Variants in RIMS1 observed in about 807,000 individuals in gnomAD.
The protein encoded by RIMS1 is regulating synaptic membrane exocytosis 1.
A neutral mutation model predicts 214.1 loss-of-function variants in RIMS1; 83 were observed. The ratio of observed to expected loss-of-function variants is 0.39; its 90% confidence interval spans 0.32 to 0.47. RIMS1 has a LOEUF of 0.47. Among genes scored for constraint, RIMS1 ranks in the 20% least tolerant of loss-of-function variants. The probability of loss-of-function intolerance (pLI) is 0.99; values close to 1 mark genes in which losing one functional copy is unlikely to be tolerated. For synonymous variants in RIMS1, 793 were observed against 786.8 expected (o/e 1.01, Z -0.13); for missense variants, 2,050 against 2,161.8 (o/e 0.95, Z 1.03).
intron 2 of RIMS1, among the ~76,000 whole-genome samples, chr6:72,023,482 A>G (rs1357613489): frequency 2.6e-5 from 4 of 152,088 alleles, no homozygotes. Flanking sequence ...CTAGATTTAC[A>G]TATATTTCCT....
chr6:72,304,086 T>C (rs2094909449), intron 26 of RIMS1, among the ~76,000 whole-genome samples: 1 of 151,684 alleles, frequency 6.6e-6, no homozygotes, highest in Non-Finnish European at 1.5e-5. Context: ...CTCTTGATTA[T>C]GTGGCATTTA....
At chr6:71,932,229 T>C (rs1379472483) in intron 1 of RIMS1, among the ~76,000 whole-genome samples, 2 of 152,104 alleles carry the variant, frequency 1.3e-5, no homozygotes, top group African/African-American at 2.4e-5. Context: ...TCAACTTAAA[T>C]GCCCATCAGT....
intron 4 of RIMS1, among the ~76,000 whole-genome samples, chr6:72,135,637 A>C (rs1294339419): frequency 6.6e-6 from 1 of 152,168 alleles, no homozygotes; most frequent in Non-Finnish European, 1.5e-5. Flanking sequence ...CTGACGTGGA[A>C]AGGAGAAGAA....
At chr6:72,275,569 C>T (rs949662395) in intron 23 of RIMS1, among the ~76,000 whole-genome samples, 1 of 151,982 alleles carries the variant, frequency 6.6e-6, no homozygotes, top group Non-Finnish European at 1.5e-5. Context: ...AACATTTTAG[C>T]ATCTTTTAAT....
At chr6:72,013,766 T>C (rs1179065903) in intron 2 of RIMS1, among the ~76,000 whole-genome samples, 1 of 152,218 alleles carries the variant, frequency 6.6e-6, no homozygotes, top group Non-Finnish European at 1.5e-5. Context: ...TGTATGAAAG[T>C]GTGCAGTTCA....
chr6:71,916,541 T>G (rs1190688871), intron 1 of RIMS1, among the ~76,000 whole-genome samples: 1 of 152,168 alleles, frequency 6.6e-6, no homozygotes, highest in Admixed American at 6.6e-5. Flanking sequence ...CACTCTATCT[T>G]TGAGTAATTC....
At chr6:72,063,681 C>T (rs377720114) in intron 2 of RIMS1, among the ~76,000 whole-genome samples, 42 of 152,308 alleles carry the variant, frequency 2.8e-4, no homozygotes, top group African/African-American at 9.6e-4. Flanking sequence ...TTCACATTTA[C>T]TTCTAGGTGG....
intron 6 of RIMS1, among the ~76,000 whole-genome samples, chr6:72,224,369 A>G (rs1188869435): frequency 2.0e-5 from 3 of 152,198 alleles, no homozygotes; most frequent in Non-Finnish European, 2.9e-5. Flanking sequence ...TAAACTCTCT[A>G]AAGTGTACTT....
intron 23 of RIMS1, among the ~76,000 whole-genome samples, chr6:72,275,657 T>C (rs1020019763): frequency 7.9e-5 from 12 of 152,184 alleles, no homozygotes; most frequent in Non-Finnish European, 1.5e-4. Flanking sequence ...TACTGTCTGA[T>C]TTCTAGGATA....
intron 4 of RIMS1, among the ~76,000 whole-genome samples, chr6:72,105,223 C>T (rs144983162): frequency 6.6e-6 from 1 of 152,230 alleles, no homozygotes; most frequent in Admixed American, 6.5e-5. Flanking sequence ...TGTGAGCCAC[C>T]ACAGCAGTCT....
intron 28 of RIMS1, among the ~76,000 whole-genome samples, chr6:72,325,452 A>AAT (rs999557627): frequency 7.8e-4 from 118 of 150,568 alleles, no homozygotes; most frequent in South Asian, 3.3e-3. Context: ...AGTCTATATA[A>AAT]ATATATATAT....
intron 6 of RIMS1, among the ~76,000 whole-genome samples, chr6:72,189,502 C>T (rs1485400969): frequency 6.6e-6 from 1 of 152,182 alleles, no homozygotes; most frequent in African/African-American, 2.4e-5. Context: ...GATAGGCAAA[C>T]CCATATCTGG....
chr6:72,231,673 C>A (rs2062020332), intron 6 of RIMS1, among the ~76,000 whole-genome samples: 1 of 151,612 alleles, frequency 6.6e-6, no homozygotes, highest in South Asian at 2.1e-4. Flanking sequence ...CATTATTCTG[C>A]AAAGCTTATA....
intron 1 of RIMS1, among the ~76,000 whole-genome samples, chr6:71,931,222 A>C (rs1222114558): frequency 6.6e-6 from 1 of 152,080 alleles, no homozygotes; most frequent in East Asian, 1.9e-4. Context: ...TTAATGTCAT[A>C]TATTTAAATA....
chr6:71,934,321 G>A (rs140032612), intron 1 of RIMS1, among the ~76,000 whole-genome samples: 167 of 152,128 alleles, frequency 1.1e-3, no homozygotes, highest in African/African-American at 3.4e-3. Context: ...AAATAAATAC[G>A]GAACATATTA....
Position 72,249,026 on chromosome 6 carries a change from C to G in RIMS1, c.2241+899C>G, listed in dbSNP as rs115118325. Among the ~76,000 whole-genome samples the G allele has an allele frequency of 2.2e-3, 334 of 152,232 alleles. 1 individual carries two copies. The highest frequency in any genetic ancestry group is 7.7e-3 in the African/African-American group (320 of 41,534). Reference sequence around the variant, plus strand: ...CCATTCTGGTTCTGTGAAACCCCATCTTAGGTATCAATTGGGAATCAGAGA... The same window carrying G: ...CCATTCTGGTTCTGTGAAACCCCATGTTAGGTATCAATTGGGAATCAGAGA... On this transcript the variant is annotated intron_variant, in intron 12 of 33. Transcript: ENST00000521978.
intron 2 of RIMS1, among the ~76,000 whole-genome samples, chr6:71,976,059 T>C (rs1486668141): frequency 6.6e-6 from 1 of 152,122 alleles, no homozygotes; most frequent in Admixed American, 6.5e-5. Context: ...TTCTCAATTC[T>C]CTTGAGTATA....
At position 72,309,658 on chromosome 6, in the gene RIMS1, T is replaced by A. The variant is rs547352684; in HGVS notation, c.3963+2288T>A. Among the ~76,000 whole-genome samples the A allele has an allele frequency of 3.3e-5, 5 of 152,210 alleles. No homozygotes were observed. In the South Asian group the frequency reaches 8.3e-4, roughly 25 times the overall value. On this transcript the variant is annotated intron_variant, in intron 27 of 33. Transcript: ENST00000521978. ...CTTTGCATTTGACTATTTTAAAACC[T>A]ATTACTTTCAGATATAGTACTATGG...
chr6:72,142,148 TAAATATCA>T, intron 4 of RIMS1, among the ~76,000 whole-genome samples: 1 of 152,056 alleles, frequency 6.6e-6, no homozygotes, highest in South Asian at 2.1e-4. Context: ...CTGGCCCCTC[TAAATATCA>T]AGCCATTTAA....
Sources: allele counts gnomAD v4.1 joint callset (sites outside exome capture counted in the v4.1 genomes callset), GRCh38; gene constraint gnomAD v4.1.1; transcripts MANE v1.5; gene names NCBI Gene and HGNC (gene_info 2026-07-23, HGNC 2026-07-21).